The following LYN variants were observed in gnomAD, a reference collection of about 807,000 sequenced individuals.
LYN encodes the protein LYN proto-oncogene, Src family tyrosine kinase.
Under a neutral mutation model 65.0 loss-of-function variants are expected in LYN, and 12 were observed. The observed-to-expected ratio is 0.18, with a 90% confidence interval of 0.12 to 0.30. The LOEUF (loss-of-function observed/expected upper bound fraction) is 0.30. Among genes scored for constraint, LYN ranks in the 10% least tolerant of loss-of-function variants. LYN has a pLI of 1.00. For missense variants in LYN, 380 were observed against 623.2 expected, an observed-to-expected ratio of 0.61 and a Z score of 4.16; for synonymous variants, 222 against 221.2, an observed-to-expected ratio of 1.00 and a Z score of -0.03.
intron 8 of LYN, among the ~76,000 whole-genome samples, chr8:55,956,574 G>A (rs1190035668): frequency 2.6e-5 from 4 of 152,280 alleles, no homozygotes; most frequent in Middle Eastern, 3.4e-3. Context: ...TCTGTGGGAA[G>A]TTTAAGATTA....
At chr8:55,926,581 A>G (rs1806115032) in intron 1 of LYN, among the ~76,000 whole-genome samples, 1 of 152,254 alleles carries the variant, frequency 6.6e-6, no homozygotes, top group Non-Finnish European at 1.5e-5. Context: ...GAATTAAGCC[A>G]AGAAGATCTA....
At chr8:55,947,981 T>A (rs1806833394) in intron 4 of LYN, among the ~76,000 whole-genome samples, 1 of 89,228 alleles carries the variant, frequency 1.1e-5, no homozygotes, top group Non-Finnish European at 2.3e-5. Flanking sequence ...TTTAAAACAA[T>A]TTTTTTTTTT....
rs2719236 is a variant in LYN, at chr8:56,011,803, T to C, written c.*1693T>C. On this transcript the variant is annotated 3_prime_UTR_variant, in exon 13 of 13. Coordinates refer to ENST00000519728, the MANE Select transcript of LYN (RefSeq NM_002350.4). ...CATGTTCAGAACTATAGAATATTAC[T>C]GTTACATAATGTCTGCACAGCTGGT... The C allele has an allele frequency of 0.29, 52,058 of 182,036 alleles. 8,589 individuals carry two copies. The highest frequency in any genetic ancestry group is 0.46 in the African/African-American group (19,370 of 42,398). The allele number at this position is 182,036 out of a possible 1,614,324, so 11.3% of individuals were successfully genotyped here.
At chr8:55,918,648 C>G (rs1031046711) in intron 1 of LYN, among the ~76,000 whole-genome samples, 1 of 152,068 alleles carries the variant, frequency 6.6e-6, no homozygotes, top group Non-Finnish European at 1.5e-5. Flanking sequence ...GCCAGGTGTT[C>G]GGGGTTGTCT....
At chr8:55,944,908 A>G (rs1417199928) in intron 2 of LYN, among the ~76,000 whole-genome samples, 2 of 152,224 alleles carry the variant, frequency 1.3e-5, no homozygotes, top group African/African-American at 4.8e-5. Context: ...TCAAGTTAGA[A>G]AGCAGAAGTA....
chr8:55,966,433 T>A (rs79412043), intron 8 of LYN, among the ~76,000 whole-genome samples: 5,442 of 151,914 alleles, frequency 0.036, 157 homozygotes, highest in East Asian at 0.13. Context: ...AATGGTGCGA[T>A]CTCAGCTCAC....
At chr8:56,003,929 T>G (rs1335586352) in intron 12 of LYN, among the ~76,000 whole-genome samples, 1 of 41,460 alleles carries the variant, frequency 2.4e-5, no homozygotes, top group Admixed American at 2.0e-4. Context: ...TATTTTATTC[T>G]TTTTTTTTTT....
chr8:55,914,585 T>C (rs1300887496), intron 1 of LYN, among the ~76,000 whole-genome samples: 1 of 152,086 alleles, frequency 6.6e-6, no homozygotes, highest in Non-Finnish European at 1.5e-5. Context: ...CACCCCAATC[T>C]CTGGAACCTT....
intron 1 of LYN, among the ~76,000 whole-genome samples, chr8:55,885,503 T>C (rs975586866): frequency 1.3e-5 from 2 of 152,184 alleles, no homozygotes; most frequent in African/African-American, 4.8e-5. Context: ...GTAAAACATC[T>C]GGTGGGGAGG....
At chr8:55,979,050 CTTTTT>C (rs11287133) in intron 10 of LYN, among the ~76,000 whole-genome samples, 2 of 74,296 alleles carry the variant, frequency 2.7e-5, no homozygotes, top group Admixed American at 1.6e-4. Flanking sequence ...ACTTCTCATT[CTTTTT>C]TTTTTTTTTT....
intron 4 of LYN, among the ~76,000 whole-genome samples, chr8:55,949,746 T>C (rs1161577184): frequency 6.6e-6 from 1 of 152,304 alleles, no homozygotes; most frequent in East Asian, 1.9e-4. Flanking sequence ...TGTCTCTCTC[T>C]CTCTCTTTTT....
intron 1 of LYN, among the ~76,000 whole-genome samples, chr8:55,934,887 A>C (rs1428694512): frequency 6.6e-6 from 1 of 152,146 alleles, no homozygotes. Flanking sequence ...ACTCCTTCAG[A>C]CACCTCTTTC....
At position 56,010,600 on chromosome 8, in the gene LYN, G is replaced by A; in HGVS notation, c.*490G>A. The A allele has an allele frequency of 4.3e-6, 1 of 231,014 alleles. No individual in the cohort carries two copies. The highest frequency in any genetic ancestry group is 1.7e-4 in the South Asian group (1 of 5,922). 14.3% of individuals were successfully genotyped at this position (231,014 alleles called of 1,614,324 possible). On this transcript the variant is annotated 3_prime_UTR_variant, in exon 13 of 13. Transcript: ENST00000519728. ...AAAAAAAAAAAAACTAATCCAACCT[G>A]TTAGATTTTGCAGGTGAAGTCAGCA...
At chr8:55,930,045 G>A (rs1287823975) in intron 1 of LYN, among the ~76,000 whole-genome samples, 1 of 152,174 alleles carries the variant, frequency 6.6e-6, no homozygotes, top group Non-Finnish European at 1.5e-5. Flanking sequence ...ATCGTGAACT[G>A]CACATGTGAG....
chr8:55,968,191 A>T (rs1807514766), intron 9 of LYN, among the ~76,000 whole-genome samples: 1 of 152,178 alleles, frequency 6.6e-6, no homozygotes, highest in South Asian at 2.1e-4. Flanking sequence ...TGAATTAATT[A>T]ACTTAGAGTA....
At chr8:55,942,443 GTA>G (rs35488882) in intron 2 of LYN, among the ~76,000 whole-genome samples, 4,207 of 140,096 alleles carry the variant, frequency 0.03, 228 homozygotes, top group African/African-American at 0.1. Context: ...GTGTGTGTGT[GTA>G]TATATATATA....
intron 10 of LYN, among the ~76,000 whole-genome samples, chr8:55,983,117 G>T (rs754081816): frequency 4.6e-5 from 7 of 152,084 alleles, no homozygotes; most frequent in African/African-American, 1.7e-4. Context: ...GCAGCTTTCT[G>T]CATTTCCAGT....
intron 10 of LYN, among the ~76,000 whole-genome samples, chr8:55,974,991 T>C (rs1807715979): frequency 6.6e-6 from 1 of 152,124 alleles, no homozygotes; most frequent in Non-Finnish European, 1.5e-5. Flanking sequence ...TTCTCATACA[T>C]GACTCTTACT....
chr8:55,928,665 A>G (rs562153809), intron 1 of LYN, among the ~76,000 whole-genome samples: 1 of 152,266 alleles, frequency 6.6e-6, no homozygotes, highest in South Asian at 2.1e-4. Flanking sequence ...CAAAGATTTT[A>G]TTTTAATCTG....
Sources: allele counts gnomAD v4.1 joint callset (sites outside exome capture counted in the v4.1 genomes callset), GRCh38; gene constraint gnomAD v4.1.1; transcripts MANE v1.5; gene names NCBI Gene and HGNC (gene_info 2026-07-23, HGNC 2026-07-21).